TBC1D5: variants seen among roughly 807,000 people sequenced by gnomAD.
TBC1D5 encodes TBC1 domain family member 5.
A neutral mutation model predicts 100.3 loss-of-function variants in TBC1D5; 75 were observed. That is an observed-to-expected ratio of 0.75 (90% CI 0.62 to 0.91). TBC1D5 has a LOEUF of 0.91. TBC1D5 is among the 40% of genes least tolerant of loss of function. The probability of loss-of-function intolerance (pLI) is 0.00; values close to 1 mark genes in which losing one functional copy is unlikely to be tolerated. For synonymous variants in TBC1D5, 323 were observed against 325.6 expected (o/e 0.99, Z 0.09); for missense variants, 910 against 942.4 (o/e 0.97, Z 0.45).
At chr3:17,171,639 A>C (rs938263296) in intron 19 of TBC1D5, among the ~76,000 whole-genome samples, 1 of 152,046 alleles carries the variant, frequency 6.6e-6, no homozygotes. Flanking sequence ...CCCTCTTCTT[A>C]TAAGGACACC....
chr3:17,593,351 G>A (rs1369219890), intron 2 of TBC1D5, among the ~76,000 whole-genome samples: 4 of 152,114 alleles, frequency 2.6e-5, no homozygotes, highest in South Asian at 2.1e-4. Context: ...GGTTACACAC[G>A]GGCTCAATAA....
chr3:17,615,602 C>T (rs527635164), intron 2 of TBC1D5, among the ~76,000 whole-genome samples: 4 of 152,100 alleles, frequency 2.6e-5, no homozygotes, highest in African/African-American at 9.6e-5. Flanking sequence ...ACTTCTTCCT[C>T]GTTTGGTCTT....
chr3:17,377,557 G>C (rs2092758742), intron 9 of TBC1D5, among the ~76,000 whole-genome samples: 1 of 151,864 alleles, frequency 6.6e-6, no homozygotes, highest in South Asian at 2.1e-4. Flanking sequence ...TTTATAAAAA[G>C]ACAAGACAAA....
intron 2 of TBC1D5, among the ~76,000 whole-genome samples, chr3:17,617,613 C>T (rs9681644): frequency 0.4 from 61,142 of 152,026 alleles, 12,950 homozygotes; most frequent in Middle Eastern, 0.5. Context: ...CTTTTCTTCT[C>T]TAAACTTGTC....
chr3:17,458,830 T>C (rs1392745109), intron 3 of TBC1D5, among the ~76,000 whole-genome samples: 3 of 152,224 alleles, frequency 2.0e-5, no homozygotes, highest in Non-Finnish European at 4.4e-5. Context: ...ACTCTATGTA[T>C]TGTGGTTTTC....
intron 4 of TBC1D5, among the ~76,000 whole-genome samples, chr3:17,427,725 T>A (rs979676680): frequency 6.6e-6 from 1 of 151,924 alleles, no homozygotes; most frequent in African/African-American, 2.4e-5. Flanking sequence ...GAATTTGCAC[T>A]TTTTTCCTAA....
At chr3:17,462,591 G>A (rs1235644819) in intron 3 of TBC1D5, among the ~76,000 whole-genome samples, 2 of 152,064 alleles carry the variant, frequency 1.3e-5, no homozygotes, top group Non-Finnish European at 1.5e-5. Context: ...AAAATGCTGG[G>A]ATTACAGGCA....
At chr3:17,686,194 C>T (rs915519084) in intron 1 of TBC1D5, among the ~76,000 whole-genome samples, 6 of 152,000 alleles carry the variant, frequency 3.9e-5, no homozygotes, top group Admixed American at 3.9e-4. Flanking sequence ...CGATGAGATC[C>T]CTTAACTGTT....
In TBC1D5 at chr3:17,294,190, C is replaced by A. The variant is rs1438969454; in HGVS notation, c.1139-2189G>T. Among the ~76,000 whole-genome samples, 5 of 145,466 alleles carry A rather than the reference C, an allele frequency of 3.4e-5. No individual in the cohort carries two copies. The East Asian group carries it at 9.6e-4, about 28-fold the overall frequency. ...TCTCCAGAAAAGCTTGATTGATTGA[C>A]TAATCATTTATTTATTTATTTATTT... is the stretch of plus-strand genomic sequence containing the variant. On this transcript the variant is annotated intron_variant, in intron 14 of 21. Coordinates refer to ENST00000253692, the Ensembl canonical transcript of TBC1D5.
intron 8 of TBC1D5, among the ~76,000 whole-genome samples, chr3:17,392,882 T>C (rs1475010990): frequency 1.3e-5 from 2 of 152,172 alleles, no homozygotes; most frequent in African/African-American, 4.8e-5. Context: ...ATGTACCCAG[T>C]AATGGGATTG....
chr3:17,707,118 T>C (rs1462433696), intron 1 of TBC1D5, among the ~76,000 whole-genome samples: 2 of 152,076 alleles, frequency 1.3e-5, no homozygotes, highest in Non-Finnish European at 2.9e-5. Flanking sequence ...ACTTATTTAA[T>C]TTGAGATAAA....
chr3:17,418,723 A>C (rs983547572), intron 4 of TBC1D5, among the ~76,000 whole-genome samples: 1 of 152,236 alleles, frequency 6.6e-6, no homozygotes, highest in Non-Finnish European at 1.5e-5. Context: ...ATACATATGT[A>C]AATACTGATG....
chr3:17,304,284 G>A (rs1409147277), intron 14 of TBC1D5, among the ~76,000 whole-genome samples: 1 of 152,172 alleles, frequency 6.6e-6, no homozygotes, highest in Non-Finnish European at 1.5e-5. Flanking sequence ...TGGTATATGG[G>A]AGGGAAACCA....
intron 13 of TBC1D5, among the ~76,000 whole-genome samples, chr3:17,361,660 C>G (rs1046121630): frequency 6.6e-6 from 1 of 151,582 alleles, no homozygotes; most frequent in African/African-American, 2.4e-5. Flanking sequence ...AAAAAGGAAG[C>G]CTTAAAGAAA....
intron 1 of TBC1D5, among the ~76,000 whole-genome samples, chr3:17,725,680 T>A (rs1329577311): frequency 6.6e-6 from 1 of 152,218 alleles, no homozygotes. Flanking sequence ...TCTCTCTGAA[T>A]TCCTGCCTTC....
chr3:17,169,417 GA>G (rs1207700033), intron 19 of TBC1D5, among the ~76,000 whole-genome samples: 2 of 152,226 alleles, frequency 1.3e-5, no homozygotes, highest in African/African-American at 4.8e-5. Context: ...GGCAATGACT[GA>G]TACCATCAAC....
chr3:17,372,312 T>C, intron 12 of TBC1D5, 65 bp from the exon 13 acceptor site: 1 of 1,394,778 alleles, frequency 7.2e-7, no homozygotes, highest in African/African-American at 1.4e-5. Context: ...TGGATGTCAT[T>C]CTTTATCAAT....
intron 17 of TBC1D5, among the ~76,000 whole-genome samples, chr3:17,225,521 G>C (rs1411626582): frequency 6.6e-6 from 1 of 151,746 alleles, no homozygotes; most frequent in Non-Finnish European, 1.5e-5. Context: ...AGTATAACAG[G>C]CTGGGTGCAG....
intron 1 of TBC1D5, among the ~76,000 whole-genome samples, chr3:17,726,105 C>T (rs2076106222): frequency 6.6e-6 from 1 of 152,142 alleles, no homozygotes; most frequent in African/African-American, 2.4e-5. Context: ...TTTTCTTTAT[C>T]CAGTCTACCA....
Sources: allele counts gnomAD v4.1 joint callset (sites outside exome capture counted in the v4.1 genomes callset), GRCh38; gene constraint gnomAD v4.1.1; transcripts MANE v1.5; gene names NCBI Gene and HGNC (gene_info 2026-07-23, HGNC 2026-07-21).